Variants in CNTN4 observed in about 807,000 individuals in gnomAD.
CNTN4 encodes the protein contactin-4.
In CNTN4, 77 loss-of-function variants were observed where a neutral mutation model predicts 122.5. The observed-to-expected ratio is 0.63, with a 90% CI of 0.52 to 0.76. The LOEUF (loss-of-function observed/expected upper bound fraction) is 0.76. Among genes scored for constraint, CNTN4 ranks in the 30% least tolerant of loss-of-function variants. The pLI is 0.00. For missense variants in CNTN4, 1,256 were observed against 1,259.1 expected (o/e 1.00, Z 0.04); for synonymous variants, 512 against 447.0 (o/e 1.15, Z -1.83).
At chr3:2,701,279 G>T (rs2086342838) in intron 4 of CNTN4, among the ~76,000 whole-genome samples, 1 of 152,162 alleles carries the variant, frequency 6.6e-6, no homozygotes, top group African/African-American at 2.4e-5. Context: ...ATTTTGAGTA[G>T]AGACTGATTA....
At chr3:2,305,927 G>A (rs537460201) in intron 2 of CNTN4, among the ~76,000 whole-genome samples, 17 of 152,048 alleles carry the variant, frequency 1.1e-4, no homozygotes, top group Non-Finnish European at 2.2e-4. Flanking sequence ...TTAGCATGAC[G>A]TTTTAAAATT....
chr3:2,344,111 C>T (rs116111050), intron 3 of CNTN4, among the ~76,000 whole-genome samples: 305 of 152,188 alleles, frequency 2.0e-3, no homozygotes, highest in African/African-American at 5.4e-3. Flanking sequence ...CGCACTAGGC[C>T]CCACCTCCCA....
At chr3:2,176,803 A>G (rs529392729) in intron 2 of CNTN4, among the ~76,000 whole-genome samples, 2 of 152,310 alleles carry the variant, frequency 1.3e-5, no homozygotes, top group South Asian at 2.1e-4. Context: ...TAAAGAAACT[A>G]TACTAGCACA....
intron 7 of CNTN4, among the ~76,000 whole-genome samples, chr3:2,854,690 A>G (rs1018518731): frequency 6.6e-6 from 1 of 152,178 alleles, no homozygotes; most frequent in Non-Finnish European, 1.5e-5. Context: ...GAATTGTTTA[A>G]TAATTTGGTG....
chr3:2,368,109 T>G (rs1228409193), intron 3 of CNTN4, among the ~76,000 whole-genome samples: 2 of 146,806 alleles, frequency 1.4e-5, no homozygotes, highest in African/African-American at 5.1e-5. Context: ...CTCGGCTCAC[T>G]GCAAGCTCTG....
chr3:2,776,765 T>G (rs920118524), intron 6 of CNTN4, among the ~76,000 whole-genome samples: 1 of 152,188 alleles, frequency 6.6e-6, no homozygotes, highest in Non-Finnish European at 1.5e-5. Context: ...GCACTAAATT[T>G]TATGTAATAA....
chr3:2,389,337 CT>C (rs1384524036), intron 3 of CNTN4, among the ~76,000 whole-genome samples: 9 of 143,154 alleles, frequency 6.3e-5, no homozygotes, highest in African/African-American at 2.4e-4. Context: ...CTGCAGCCTT[CT>C]CATTATGTTG....
chr3:2,708,861 A>G (rs1399025057), intron 4 of CNTN4, among the ~76,000 whole-genome samples: 5 of 152,222 alleles, frequency 3.3e-5, no homozygotes, highest in Non-Finnish European at 7.3e-5. Flanking sequence ...TTGAAGATAA[A>G]TCTTTTTTAA....
chr3:2,961,168 T>C (rs1179343797), intron 13 of CNTN4, among the ~76,000 whole-genome samples: 2 of 134,420 alleles, frequency 1.5e-5, no homozygotes, highest in African/African-American at 2.8e-5. Context: ...AGGCGGAGCT[T>C]GCAGTGAGCC....
intron 3 of CNTN4, among the ~76,000 whole-genome samples, chr3:2,436,739 A>G (rs2048270936): frequency 6.6e-6 from 1 of 150,966 alleles, no homozygotes; most frequent in Non-Finnish European, 1.5e-5. Flanking sequence ...TATATCTTTT[A>G]TTTTAAGCAA....
At chr3:2,316,512 T>A (rs573753640) in intron 2 of CNTN4, among the ~76,000 whole-genome samples, 1 of 152,228 alleles carries the variant, frequency 6.6e-6, no homozygotes, top group Non-Finnish European at 1.5e-5. Context: ...TAAAGAATAT[T>A]CGGGCAGTCT....
intron 14 of CNTN4, among the ~76,000 whole-genome samples, chr3:2,991,513 A>C (rs1399764986): frequency 6.6e-6 from 1 of 152,100 alleles, no homozygotes; most frequent in Non-Finnish European, 1.5e-5. Context: ...CAATCCTGTT[A>C]CTTTAGATAA....
At chr3:2,564,584 C>A (rs1243143634) in intron 3 of CNTN4, among the ~76,000 whole-genome samples, 3 of 152,076 alleles carry the variant, frequency 2.0e-5, no homozygotes, top group Middle Eastern at 3.2e-3. Context: ...AACAATCTGG[C>A]CCAGTCCCGT....
chr3:2,852,636 A>G (rs1240477034), intron 7 of CNTN4, among the ~76,000 whole-genome samples: 2 of 152,202 alleles, frequency 1.3e-5, no homozygotes, highest in Non-Finnish European at 2.9e-5. Context: ...TCCATTTTTC[A>G]GATGAGAAAA....
chr3:2,582,732 A>G (rs984169531), intron 4 of CNTN4, among the ~76,000 whole-genome samples: 1 of 152,024 alleles, frequency 6.6e-6, no homozygotes, highest in African/African-American at 2.4e-5. Context: ...CAGTCACTTC[A>G]CCTATTTTCA....
At chr3:2,997,122 T>C (rs143588585) in intron 14 of CNTN4, among the ~76,000 whole-genome samples, 1 of 152,366 alleles carries the variant, frequency 6.6e-6, no homozygotes, top group African/African-American at 2.4e-5. Context: ...CTATGGAGTC[T>C]TTAAAAATAA....
At chr3:2,956,895 G>C (rs2094805233) in intron 13 of CNTN4, among the ~76,000 whole-genome samples, 1 of 152,090 alleles carries the variant, frequency 6.6e-6, no homozygotes, top group South Asian at 2.1e-4. Flanking sequence ...TACACTATTT[G>C]TCTTTCTGTG....
chr3:2,278,493 C>T lies in CNTN4; in HGVS notation c.-144-60685C>T, dbSNP rs549784744. Among the ~76,000 whole-genome samples, 15 of 152,258 alleles carry T rather than the reference C, an allele frequency of 9.9e-5. No individual in the cohort carries two copies. In the South Asian group the frequency reaches 1.2e-3, roughly 13 times the overall value. The stretch of plus-strand genomic sequence containing the variant: ...CTCCTCTTGTGTTACAACAGAGAAA[C>T]GACTAATCTCAGAATGTAACATGTT... On this transcript the variant is annotated intron_variant, in intron 2 of 24. Transcript: ENST00000418658.
At chr3:2,376,399 C>A (rs1329002020) in intron 3 of CNTN4, among the ~76,000 whole-genome samples, 2 of 152,042 alleles carry the variant, frequency 1.3e-5, no homozygotes, top group East Asian at 3.9e-4. Context: ...ATGGTAAGAA[C>A]CAAGAATTAT....
Sources: allele counts gnomAD v4.1 joint callset (sites outside exome capture counted in the v4.1 genomes callset), GRCh38; gene constraint gnomAD v4.1.1; transcripts MANE v1.5; gene names NCBI Gene and HGNC (gene_info 2026-07-23, HGNC 2026-07-21).